The following PCM1 variants were observed in gnomAD, a reference collection of about 807,000 sequenced individuals.
PCM1 encodes the protein pericentriolar material 1 protein.
A neutral mutation model predicts 241.9 loss-of-function variants in PCM1; 157 were observed. The ratio of observed to expected loss-of-function variants is 0.65; its 90% CI spans 0.57 to 0.74. The LOEUF (loss-of-function observed/expected upper bound fraction) is 0.74. Ranked by LOEUF, PCM1 falls within the 30% of genes least tolerant of loss-of-function variation. The pLI, the probability that PCM1 is intolerant of heterozygous loss-of-function variation, is 0.00. For synonymous variants in PCM1, 1,085 were observed against 784.9 expected (o/e 1.38, Z -6.39); for missense variants, 3,478 against 2,360.1 (o/e 1.47, Z -9.81).
rs118046617 is a variant in PCM1, at chr8:18,028,837, G to A, written c.*1175G>A. 2,563 of 185,090 alleles carry A rather than the reference G, an allele frequency of 0.014. 27 individuals carry two copies. Among genetic ancestry groups the A allele is most frequent in the Non-Finnish European group, 0.023 (1,979 of 87,264 alleles). 11.5% of individuals were successfully genotyped at this position (185,090 alleles called of 1,614,324 possible). Reference sequence around the variant, plus strand: ...GAAATACCCCATAAAAAAAGAACTTGTTGAGAGTATTTCTTTAAAATGGTT... The same window carrying A: ...GAAATACCCCATAAAAAAAGAACTTATTGAGAGTATTTCTTTAAAATGGTT... On this transcript the variant is annotated 3_prime_UTR_variant, in exon 39 of 39. Transcript: ENST00000325083.
chr8:17,986,183 A>G (rs2082527104), intron 26 of PCM1, 96 bp downstream of exon 26: 1 of 855,464 alleles, frequency 1.2e-6, no homozygotes, highest in South Asian at 3.0e-5. Context: ...TAGACCTAAT[A>G]TATTTGATTT....
chr8:17,968,762 G>GTGTGTGTGTGTGTGTGTGTATA (rs373502456), intron 21 of PCM1, among the ~76,000 whole-genome samples: 11 of 136,734 alleles, frequency 8.0e-5, no homozygotes, highest in African/African-American at 3.0e-4. Context: ...GTGTGTGTGT[G>GTGTGTGTGTGTGTGTGTGTATA]TATATATATA....
intron 29 of PCM1, among the ~76,000 whole-genome samples, chr8:17,995,267 C>G (rs530367963): frequency 2.0e-5 from 3 of 151,522 alleles, no homozygotes; most frequent in African/African-American, 7.3e-5. Context: ...ACCCCAGCAC[C>G]ATTTATTGTG....
At chr8:17,923,911 G>A (rs951903842) in intron 1 of PCM1, among the ~76,000 whole-genome samples, 2 of 152,178 alleles carry the variant, frequency 1.3e-5, no homozygotes, top group African/African-American at 2.4e-5. Context: ...GGCGTTTGGG[G>A]ATTAGGCCCC....
intron 23 of PCM1, 148 bp from the exon 24 acceptor site, chr8:17,980,443 G>T: frequency 1.8e-6 from 1 of 545,246 alleles, no homozygotes; most frequent in Admixed American, 3.5e-5. Context: ...ATACCTCCAA[G>T]ACATATTTAC....
intron 24 of PCM1, among the ~76,000 whole-genome samples, chr8:17,983,512 T>C (rs1026372944): frequency 6.6e-6 from 1 of 152,246 alleles, no homozygotes; most frequent in East Asian, 1.9e-4. Flanking sequence ...TTAGTGTATG[T>C]AACCTAACAC....
chr8:18,001,977 C>T (rs1389195298), intron 29 of PCM1, among the ~76,000 whole-genome samples: 1 of 109,950 alleles, frequency 9.1e-6, no homozygotes, highest in Admixed American at 1.2e-4. Flanking sequence ...TATCCTTTTG[C>T]CGCTGCTTCT....
chr8:17,964,186 A>G (rs2073860595), intron 17 of PCM1, among the ~76,000 whole-genome samples: 1 of 152,204 alleles, frequency 6.6e-6, no homozygotes, highest in Non-Finnish European at 1.5e-5. Flanking sequence ...CTCAGTAGCC[A>G]TGTGTACCTA....
At chr8:17,991,915 C>T (rs762195153) in intron 28 of PCM1, among the ~76,000 whole-genome samples, 2 of 152,174 alleles carry the variant, frequency 1.3e-5, no homozygotes, top group Non-Finnish European at 2.9e-5. Context: ...TTTGCATACT[C>T]ATAGCTTAGC....
chr8:17,958,771 G>C, intron 13 of PCM1, among the ~76,000 whole-genome samples: 1 of 152,080 alleles, frequency 6.6e-6, no homozygotes, highest in East Asian at 1.9e-4. Context: ...ACCCAGGTTG[G>C]AGTGCAGTGG....
intron 21 of PCM1, among the ~76,000 whole-genome samples, chr8:17,969,148 A>T (rs1005302787): frequency 6.6e-6 from 1 of 152,192 alleles, no homozygotes; most frequent in African/African-American, 2.4e-5. Flanking sequence ...CGTAGGAGTC[A>T]TACAGACCTG....
At position 17,959,874 on chromosome 8, in the gene PCM1, T is replaced by C. The variant is rs945779692; in HGVS notation, c.2041-140T>C. The stretch of plus-strand genomic sequence containing the variant: ...TAAACAAATATATATTGAACACGTG[T>C]ACACATGTATACAAACGTGCTTTCT... On this transcript the variant is annotated intron_variant, in intron 13 of 38. Transcript: ENST00000325083. 2.0e-5 allele frequency: 14 copies of C among 685,994 alleles called. No individual in the cohort carries two copies. The East Asian group carries it at 3.1e-4, about 15-fold the overall frequency. 42.5% of individuals were successfully genotyped at this position (685,994 alleles called of 1,614,324 possible).
At chr8:17,930,177 C>T (rs1433313746) in intron 2 of PCM1, among the ~76,000 whole-genome samples, 1 of 146,226 alleles carries the variant, frequency 6.8e-6, no homozygotes, top group African/African-American at 2.5e-5. Flanking sequence ...TATCTGGGTT[C>T]ACTACAAGCT....
intron 34 of PCM1, among the ~76,000 whole-genome samples, chr8:18,013,377 C>G (rs34663779): frequency 0.047 from 7,179 of 152,280 alleles, 184 homozygotes; most frequent in East Asian, 0.069. Context: ...GTGTCTCCAC[C>G]TCTACTCCCA....
At position 17,939,702 on chromosome 8, in the gene PCM1, G is replaced by T; in HGVS notation, c.624G>T (p.Arg208Ser). The change falls in exon 6 of 39, where the codon AGG becomes AGT. Residue 208 changes from arginine to serine, a missense_variant. Physicochemically the swap from Arg to Ser is moderately radical, Grantham distance 110 (BLOSUM62 -1). Coordinates refer to ENST00000325083, the MANE Select transcript of PCM1 (RefSeq NM_006197.4). Reference protein sequence around the residue: ...PAMESSQIVSRLVQIRDYITK... With the variant: ...PAMESSQIVSSLVQIRDYITK... Reference sequence around the variant, plus strand: ...TATTTCCCCTGCAGATTGTAAGCAGGCTTGTTCAAATTCGCGATTATATTA... The same window carrying T: ...TATTTCCCCTGCAGATTGTAAGCAGTCTTGTTCAAATTCGCGATTATATTA... The T allele has an allele frequency of 6.5e-7, 1 of 1,533,044 alleles. No individual in the cohort carries two copies. The highest frequency in any genetic ancestry group is 1.4e-5 in the African/African-American group (1 of 72,456). 95.0% of individuals were successfully genotyped at this position (1,533,044 alleles called of 1,614,324 possible). A position where few individuals can be genotyped will look rare whatever the true frequency, so the allele number is the denominator to read the frequency against.
At chr8:18,000,665 A>C (rs1298928405) in intron 29 of PCM1, among the ~76,000 whole-genome samples, 1 of 152,130 alleles carries the variant, frequency 6.6e-6, no homozygotes, top group Non-Finnish European at 1.5e-5. Context: ...CTTATCACCC[A>C]GGCGGGAATG....
At chr8:17,993,715 T>A in intron 29 of PCM1, 96 bp downstream of exon 29, 1 of 1,008,430 alleles carries the variant, frequency 9.9e-7, no homozygotes, top group Non-Finnish European at 1.4e-6. Flanking sequence ...ACGGTATAGG[T>A]AAACAACAAC....
chr8:18,009,811 T>A, intron 31 of PCM1, 67 bp downstream of exon 31: 2 of 1,002,250 alleles, frequency 2.0e-6, no homozygotes, highest in Non-Finnish European at 2.7e-6. Flanking sequence ...TCATTATTAT[T>A]AACTGAAATC....
At chr8:18,021,374 C>A (rs1435672828) in intron 36 of PCM1, among the ~76,000 whole-genome samples, 1 of 152,172 alleles carries the variant, frequency 6.6e-6, no homozygotes, top group Admixed American at 6.5e-5. Context: ...AAGATTTCTG[C>A]CACCTGCTAG....
Sources: gnomAD v4.1 joint callset for allele counts (sites outside exome capture counted in the v4.1 genomes callset) on GRCh38, gnomAD v4.1.1 for gene constraint, MANE v1.5 for transcripts, NCBI Gene and HGNC (gene_info 2026-07-23, HGNC 2026-07-21) for gene names.